Variants in IARS1 observed in about 807,000 individuals in gnomAD.
The protein encoded by IARS1 is isoleucyl-tRNA synthetase 1, also known as isoleucine--tRNA ligase, cytoplasmic.
In IARS1, 124 loss-of-function variants were observed where a neutral mutation model predicts 168.2. The ratio of observed to expected loss-of-function variants is 0.74; its 90% confidence interval spans 0.64 to 0.86. IARS1 has a LOEUF of 0.86. IARS1 is among the 40% of genes least tolerant of loss of function. The pLI is 0.00. For missense variants in IARS1, 1,452 were observed against 1,515.8 expected, an observed-to-expected ratio of 0.96 and a Z score of 0.70; for synonymous variants, 532 against 529.4, an observed-to-expected ratio of 1.00 and a Z score of -0.07.
At chr9:92,233,431 T>C (rs1827021508) in intron 30 of IARS1, among the ~76,000 whole-genome samples, 1 of 152,246 alleles carries the variant, frequency 6.6e-6, no homozygotes, top group South Asian at 2.1e-4. Context: ...ACAGTGAATC[T>C]AAAGTGTTTC....
chr9:92,272,932 C>T (rs1316230949), intron 10 of IARS1, among the ~76,000 whole-genome samples: 5 of 150,616 alleles, frequency 3.3e-5, no homozygotes, highest in African/African-American at 1.2e-4. Flanking sequence ...AATGAATCTT[C>T]TATAACATTA....
intron 12 of IARS1, 64 bp downstream of exon 12, chr9:92,270,921 C>A: frequency 1.8e-6 from 2 of 1,101,314 alleles, no homozygotes; most frequent in Non-Finnish European, 2.6e-6. Flanking sequence ...GGAATGGGCA[C>A]ATATAGTAAG....
chr9:92,225,480 A>G (rs1255098639), intron 31 of IARS1, among the ~76,000 whole-genome samples: 1 of 152,196 alleles, frequency 6.6e-6, no homozygotes, highest in Non-Finnish European at 1.5e-5. Flanking sequence ...AGAGAAATCA[A>G]CATCACCCAA....
At chr9:92,252,764 C>CAAAAAAAAAAAAAAAAAAAAAAAAA (rs34983021) in intron 21 of IARS1, among the ~76,000 whole-genome samples, 1 of 27,236 alleles carries the variant, frequency 3.7e-5, no homozygotes, top group Non-Finnish European at 6.2e-5. Context: ...AACTCCTTCT[C>CAAAAAAAAAAAAAAAAAAAAAAAAA]AAAAAAAAAA....
chr9:92,254,947 C>T (rs942545065), intron 20 of IARS1, among the ~76,000 whole-genome samples: 5 of 152,338 alleles, frequency 3.3e-5, no homozygotes, highest in Admixed American at 1.3e-4. Flanking sequence ...CCCAGCTTCA[C>T]AGGAGGTCAT....
At chr9:92,279,749 C>T (rs1834271357) in intron 7 of IARS1, among the ~76,000 whole-genome samples, 1 of 152,144 alleles carries the variant, frequency 6.6e-6, no homozygotes, top group Admixed American at 6.5e-5. Context: ...TACCCTAAAC[C>T]TTTTCATTTT....
At chr9:92,266,389 C>T (rs2133836515) in intron 14 of IARS1, among the ~76,000 whole-genome samples, 1 of 152,300 alleles carries the variant, frequency 6.6e-6, no homozygotes, top group South Asian at 2.1e-4. Context: ...AGGCAAACAT[C>T]ACAGACCTAG....
At chr9:92,261,608 T>C (rs1448981278) in intron 17 of IARS1, among the ~76,000 whole-genome samples, 5 of 152,234 alleles carry the variant, frequency 3.3e-5, no homozygotes, top group Admixed American at 3.3e-4. Flanking sequence ...TGAATACGAT[T>C]AGTGGGCTAT....
rs539044941 is a variant in IARS1 at position 92,243,068 on chromosome 9, T to C, written c.3000+148A>G. ...GGGAGAGGAAGAGGAGTGACTTTTC[T>C]GCAGAATACATTCCAAATGGACTAT... On this transcript the variant is annotated intron_variant, in intron 28 of 33. Transcript: ENST00000443024. The C allele has an allele frequency of 8.4e-6, 5 of 595,192 alleles. 1 individual carries two copies. The highest frequency in any genetic ancestry group is 1.5e-5 in the Non-Finnish European group (5 of 323,588). 36.9% of individuals were successfully genotyped at this position (595,192 alleles called of 1,614,324 possible). A position where few individuals can be genotyped will look rare whatever the true frequency, so the allele number is the denominator to read the frequency against.
chr9:92,269,871 A>T lies in IARS1; in HGVS notation c.1304+14T>A. On this transcript the variant is annotated intron_variant, in intron 13 of 33. Coordinates refer to ENST00000443024, the MANE Select transcript of IARS1 (RefSeq NM_002161.6). ...GACAAAAGACACTATGAAGAAACAC[A>T]TCTTACTGCTCACCAGTAGCACAGG... 1.9e-6 allele frequency: 3 copies of T among 1,571,544 alleles called. No homozygotes were observed. The highest frequency in any genetic ancestry group is 2.6e-6 in the Non-Finnish European group (3 of 1,141,536).
intron 13 of IARS1, 40 bp from the exon 14 acceptor site, chr9:92,268,340 T>C (rs1468092050): frequency 3.1e-5 from 49 of 1,595,370 alleles, no homozygotes; most frequent in Non-Finnish European, 4.0e-5. Flanking sequence ...CATAAAAATA[T>C]GGAAAAATTC....
At position 92,222,545 on chromosome 9, in the gene IARS1, C is replaced by G; in HGVS notation, c.3681G>C (p.Leu1227=). 6.2e-7 allele frequency: 1 copy of G among 1,613,982 alleles called. No individual in the cohort carries two copies. The highest frequency in any genetic ancestry group is 1.3e-5 in the African/African-American group (1 of 74,996). ...CCTGCGTTTGGGTCTCATTCAGAAA[C>G]AGCTTTAGCTTCCTGCTCCGAAGGC... ...VFGLRSRKLK[L]FLNETQTQEI... The change falls in exon 33 of 34, where the codon CTG becomes CTC. Residue 1227 remains leucine, a synonymous_variant. Transcript: ENST00000443024.
chr9:92,278,699 T>C (rs1387656504), intron 7 of IARS1, among the ~76,000 whole-genome samples: 3 of 152,160 alleles, frequency 2.0e-5, no homozygotes, highest in African/African-American at 7.2e-5. Context: ...AACAAACATA[T>C]AGGTAAATGT....
In IARS1 at chr9:92,280,901, A is replaced by G; in HGVS notation, c.598-8T>C. ...TGAAGGATCTTGAACATCCTGAAAT[A>G]AATTGAGGTAAAGTATTGTTTTAGA... On this transcript the variant is annotated splice_region_variant and splice_polypyrimidine_tract_variant and intron_variant, in intron 6 of 33. Transcript: ENST00000443024. The G allele has an allele frequency of 6.3e-7, 1 of 1,596,694 alleles. No individual in the cohort carries two copies. Among genetic ancestry groups the G allele is most frequent in the Non-Finnish European group, 8.6e-7 (1 of 1,166,762 alleles).
intron 10 of IARS1, among the ~76,000 whole-genome samples, chr9:92,273,735 G>C (rs1833413231): frequency 6.6e-6 from 1 of 152,180 alleles, no homozygotes; most frequent in Non-Finnish European, 1.5e-5. Context: ...AAGCAAAATG[G>C]CAGATGAGGG....
intron 30 of IARS1, among the ~76,000 whole-genome samples, chr9:92,238,149 G>A (rs1028989147): frequency 5.9e-5 from 9 of 152,074 alleles, no homozygotes; most frequent in Non-Finnish European, 1.2e-4. Context: ...CAGGTGATCC[G>A]CCTGCCTTGG....
In IARS1 at chr9:92,235,786, A is replaced by C. The variant is rs189858245; in HGVS notation, c.3283+5070T>G. Among the ~76,000 whole-genome samples, 51 of 151,806 alleles carry C rather than the reference A, an allele frequency of 3.4e-4. No individual in the cohort carries two copies. In the East Asian group the frequency reaches 9.2e-3, roughly 27 times the overall value. On this transcript the variant is annotated intron_variant, in intron 30 of 33. Coordinates refer to ENST00000443024, the MANE Select transcript of IARS1 (RefSeq NM_002161.6). Reference sequence around the variant, plus strand: ...GTGATCCACCCGCCTCAGCCTCCCAAAGTGCTGGGATTACAGGCGTGACCC... The same window carrying C: ...GTGATCCACCCGCCTCAGCCTCCCACAGTGCTGGGATTACAGGCGTGACCC...
At chr9:92,283,003 C>G (rs1340447299) in intron 6 of IARS1, among the ~76,000 whole-genome samples, 1 of 151,834 alleles carries the variant, frequency 6.6e-6, no homozygotes, top group South Asian at 2.1e-4. Flanking sequence ...TAAAGGTTCA[C>G]GCCACCACGC....
chr9:92,262,120 C>A (rs1831615588), intron 17 of IARS1, among the ~76,000 whole-genome samples: 1 of 151,516 alleles, frequency 6.6e-6, no homozygotes, highest in African/African-American at 2.4e-5. Flanking sequence ...TGCCTGGGTT[C>A]AAAATTTGCA....
Sources: allele counts gnomAD v4.1 joint callset (sites outside exome capture counted in the v4.1 genomes callset), GRCh38; gene constraint gnomAD v4.1.1; transcripts MANE v1.5; gene names NCBI Gene and HGNC (gene_info 2026-07-23, HGNC 2026-07-21).